The following GPA33 variants were observed in gnomAD, a reference collection of about 807,000 sequenced individuals.
GPA33 encodes the protein glycoprotein A33, also known as cell surface A33 antigen.
Under a neutral mutation model 35.6 loss-of-function variants are expected in GPA33, and 27 were observed. The ratio of observed to expected loss-of-function variants is 0.76; its 90% CI spans 0.56 to 1.04. The LOEUF is 1.04. Ranked by LOEUF, GPA33 falls within the 50% of genes least tolerant of loss-of-function variation. GPA33 has a pLI of 0.00. For missense variants in GPA33, 428 were observed against 411.9 expected (o/e 1.04, Z -0.34); for synonymous variants, 176 against 164.0 (o/e 1.07, Z -0.56).
At chr1:167,085,139 G>A (rs1455230949) in intron 1 of GPA33, among the ~76,000 whole-genome samples, 2 of 152,176 alleles carry the variant, frequency 1.3e-5, no homozygotes, top group East Asian at 1.9e-4. Context: ...GGGAATGGGT[G>A]GCAACTAAAG....
chr1:167,054,219 C>T lies in GPA33; in HGVS notation c.*115G>A, dbSNP rs1666179326. 2 of 1,327,530 alleles carry T rather than the reference C, an allele frequency of 1.5e-6. No homozygotes were observed. Among genetic ancestry groups the T allele is most frequent in the Admixed American group, 1.9e-5 (1 of 53,306 alleles). 82.2% of individuals were successfully genotyped at this position (1,327,530 alleles called of 1,614,324 possible). ...GCTGACACTGGGGAAGAAATGTCCCCATCAATGTCTGGGATGGAGGGACAG... is the reference window on the plus strand; with the variant it reads ...GCTGACACTGGGGAAGAAATGTCCCTATCAATGTCTGGGATGGAGGGACAG... On this transcript the variant is annotated 3_prime_UTR_variant, in exon 7 of 7. Coordinates refer to ENST00000367868, the MANE Select transcript of GPA33 (RefSeq NM_005814.3).
chr1:167,070,649 C>G (rs1666700446), intron 2 of GPA33, among the ~76,000 whole-genome samples: 1 of 152,110 alleles, frequency 6.6e-6, no homozygotes, highest in Non-Finnish European at 1.5e-5. Context: ...GAAGTCAGCT[C>G]TCAACACAGG....
At chr1:167,069,191 G>T in intron 2 of GPA33, 53 bp from the exon 3 acceptor site, 3 of 1,286,032 alleles carry the variant, frequency 2.3e-6, no homozygotes, top group Non-Finnish European at 2.2e-6. Flanking sequence ...CTTGCCTGGT[G>T]CTTCCAGCCT....
chr1:167,059,613 AG>A (rs1666389431), intron 4 of GPA33, among the ~76,000 whole-genome samples: 1 of 149,824 alleles, frequency 6.7e-6, no homozygotes, highest in Non-Finnish European at 1.5e-5. Context: ...TCCAGGCCCC[AG>A]AACTACCCCC....
chr1:167,090,088 G>A (rs536302052), intron 1 of GPA33, among the ~76,000 whole-genome samples, 157 bp downstream of exon 1: 10 of 152,216 alleles, frequency 6.6e-5, no homozygotes, highest in Middle Eastern at 3.4e-3. Context: ...TTCTGATTCT[G>A]GGCACTGGTC....
chr1:167,061,586 G>GTT (rs397981830), intron 4 of GPA33, among the ~76,000 whole-genome samples: 2,275 of 74,652 alleles, frequency 0.03, 476 homozygotes, highest in African/African-American at 0.087. Flanking sequence ...TCTACTAACT[G>GTT]TTTTTTTTTT....
intron 1 of GPA33, 89 bp from the exon 2 acceptor site, chr1:167,073,628 C>T: frequency 8.4e-7 from 1 of 1,186,528 alleles, no homozygotes; most frequent in East Asian, 2.5e-5. Flanking sequence ...GAGGGAATGT[C>T]CAGGGCTGTT....
chr1:167,070,728 G>T (rs996945846), intron 2 of GPA33, among the ~76,000 whole-genome samples: 1 of 152,216 alleles, frequency 6.6e-6, no homozygotes, highest in Non-Finnish European at 1.5e-5. Context: ...GGTAAAAAAT[G>T]ATGGGTCCTC....
intron 1 of GPA33, among the ~76,000 whole-genome samples, chr1:167,085,166 G>T (rs1041648225): frequency 1.3e-5 from 2 of 152,156 alleles, no homozygotes; most frequent in Non-Finnish European, 2.9e-5. Context: ...AGGTGGAGGT[G>T]GATGTAGAGT....
In GPA33 at chr1:167,054,102, G is replaced by A. The variant is rs940647184; in HGVS notation, c.*232C>T. ...TGAGTGAGGGCCAGGCCCGCACCAG[G>A]TGTCACAGCCAGGAGGGGTTACTTC... On this transcript the variant is annotated 3_prime_UTR_variant, in exon 7 of 7. Coordinates refer to ENST00000367868, the MANE Select transcript of GPA33 (RefSeq NM_005814.3). 3.6e-6 allele frequency: 2 copies of A among 563,040 alleles called. No homozygotes were observed. The highest frequency in any genetic ancestry group is 6.3e-5 in the Admixed American group (2 of 31,908). The allele number at this position is 563,040 out of a possible 1,614,324, so 34.9% of individuals were successfully genotyped here. A position where few individuals can be genotyped will look rare whatever the true frequency, so the allele number is the denominator to read the frequency against.
At chr1:167,054,580 C>T (rs1666192477) in intron 6 of GPA33, 114 bp from the exon 7 acceptor site, 3 of 1,302,190 alleles carry the variant, frequency 2.3e-6, no homozygotes, top group Non-Finnish European at 3.2e-6. Flanking sequence ...TCCCCACCCA[C>T]CAGCTGCAGA....
chr1:167,069,066 T>C lies in GPA33; in HGVS notation c.271A>G (p.Ile91Val). ...HGELYKNRVS[I>V]SNNAEQSDAS... The stretch of plus-strand genomic sequence containing the variant: ...TCGGACTGCTCAGCATTGTTGGATA[T>C]GCTGACGCGATTCTTATAAAGCTCA... The change falls in exon 3 of 7, where the codon ATA becomes GTA. Residue 91 changes from isoleucine (I) to valine (V), a missense_variant. Physicochemically the swap from Ile to Val is conservative, Grantham distance 29. Transcript: ENST00000367868. The C allele has an allele frequency of 1.2e-6, 2 of 1,614,096 alleles. No homozygotes were observed. Among genetic ancestry groups the C allele is most frequent in the Non-Finnish European group, 1.7e-6 (2 of 1,179,930 alleles).
chr1:167,077,873 T>C (rs781612243), intron 1 of GPA33, among the ~76,000 whole-genome samples: 2 of 152,250 alleles, frequency 1.3e-5, no homozygotes, highest in African/African-American at 2.4e-5. Flanking sequence ...TCTTTAATGA[T>C]AGACATTTGT....
chr1:167,071,101 G>T (rs969733707), intron 2 of GPA33, among the ~76,000 whole-genome samples: 1 of 152,070 alleles, frequency 6.6e-6, no homozygotes, highest in Non-Finnish European at 1.5e-5. Context: ...ACTGAGACAT[G>T]GGCTAGATGA....
intron 4 of GPA33, among the ~76,000 whole-genome samples, chr1:167,057,329 C>T (rs1666329390): frequency 6.6e-6 from 1 of 152,026 alleles, no homozygotes; most frequent in South Asian, 2.1e-4. Context: ...GTCCTGCCAT[C>T]CAAGATGCTT....
intron 5 of GPA33, 102 bp from the exon 6 acceptor site, chr1:167,055,213 A>G (rs1666215490): frequency 9.2e-7 from 1 of 1,089,450 alleles, no homozygotes; most frequent in African/African-American, 1.5e-5. Context: ...GTAACACTCC[A>G]TGAAAGGCAT....
chr1:167,079,809 T>A (rs1177665805), intron 1 of GPA33, among the ~76,000 whole-genome samples: 1 of 152,250 alleles, frequency 6.6e-6, no homozygotes, highest in Non-Finnish European at 1.5e-5. Flanking sequence ...TAGAGGCTTC[T>A]GATGTTTGCA....
chr1:167,056,276 T>C (rs1044434186), intron 4 of GPA33, among the ~76,000 whole-genome samples: 4 of 152,224 alleles, frequency 2.6e-5, no homozygotes, highest in African/African-American at 9.6e-5. Context: ...ATGTATTACA[T>C]GAAAATGCTT....
At chr1:167,086,415 C>T (rs1345004374) in intron 1 of GPA33, among the ~76,000 whole-genome samples, 1 of 152,244 alleles carries the variant, frequency 6.6e-6, no homozygotes. Flanking sequence ...ACATCTGAGG[C>T]TAAGCCCCTA....
Sources: gnomAD v4.1 joint callset for allele counts (sites outside exome capture counted in the v4.1 genomes callset) on GRCh38, gnomAD v4.1.1 for gene constraint, MANE v1.5 for transcripts, NCBI Gene and HGNC (gene_info 2026-07-23, HGNC 2026-07-21) for gene names.